The following TSFM variants were observed in gnomAD, a reference collection of about 807,000 sequenced individuals.
The protein encoded by TSFM is Ts translation elongation factor, mitochondrial.
A neutral mutation model predicts 33.4 loss-of-function variants in TSFM; 29 were observed. The observed-to-expected ratio is 0.87, with a 90% CI of 0.65 to 1.18. TSFM has a LOEUF of 1.18. TSFM is among the 50% of genes most tolerant of loss of function. TSFM has a pLI of 0.00. For synonymous variants in TSFM, 178 were observed against 163.5 expected (o/e 1.09, Z -0.68); for missense variants, 394 against 395.6 (o/e 1.00, Z 0.04).
At chr12:57,800,043 T>G (rs1452769009), downstream of TSFM, 2 of 1,284,050 alleles carry the variant, frequency 1.6e-6, no homozygotes, top group African/African-American at 3.0e-5. Flanking sequence ...TAATCATCTT[T>G]GATAACAATG....
intron 4 of TSFM, among the ~76,000 whole-genome samples, chr12:57,791,309 C>T (rs1176607745): frequency 2.0e-5 from 3 of 152,142 alleles, no homozygotes; most frequent in Non-Finnish European, 2.9e-5. Flanking sequence ...CGCGCCCGGC[C>T]GGCCAGGTTC....
intron 2 of TSFM, chr12:57,784,125 A>G (rs1469617161): frequency 1.4e-6 from 1 of 702,620 alleles, no homozygotes; most frequent in Non-Finnish European, 2.6e-6. Context: ...ACAAACCGTT[A>G]CAAAATGTTA....
chr12:57,802,469 T>C (rs1955870206), downstream of TSFM: 13 of 1,202,694 alleles, frequency 1.1e-5, no homozygotes, highest in Non-Finnish European at 1.4e-5. Context: ...TCAGAAAACT[T>C]TCTCAGCCTA....
Position 57,783,002 on chromosome 12 carries a change from C to T in TSFM, c.58-108C>T, listed in dbSNP as rs1057188630. The T allele has an allele frequency of 9.4e-6, 14 of 1,481,790 alleles. No homozygotes were observed. In the African/African-American group the frequency reaches 1.9e-4, roughly 21 times the overall value. 91.8% of individuals were successfully genotyped at this position (1,481,790 alleles called of 1,614,324 possible). ...TCTGCCCAGTCCAGCCCCGGTGCAC[C>T]CCCCTTTGCACACTGTCCGCTCCCT... On this transcript the variant is annotated intron_variant, in intron 1 of 5. Transcript: ENST00000652027.
rs1955749570 is a variant in TSFM, at chr12:57,796,933, C to T, written c.*350C>T. 1.0e-6 allele frequency: 1 copy of T among 994,040 alleles called. No homozygotes were observed. Among genetic ancestry groups the T allele is most frequent in the Middle Eastern group, 5.1e-4 (1 of 1,968 alleles). The allele number at this position is 994,040 out of a possible 1,614,324, so 61.6% of individuals were successfully genotyped here. Reference sequence around the variant, plus strand: ...ATAGAACTCTTTTGTTCTGTTTTTGCTTTGCGACACTGTGAACCGTGCTTC... The same window carrying T: ...ATAGAACTCTTTTGTTCTGTTTTTGTTTTGCGACACTGTGAACCGTGCTTC... On this transcript the variant is annotated 3_prime_UTR_variant, in exon 6 of 6. Transcript: ENST00000652027.
intron 3 of TSFM, 49 bp downstream of exon 3, chr12:57,786,340 T>TA (rs1955591296): frequency 6.3e-7 from 1 of 1,586,042 alleles, no homozygotes; most frequent in African/African-American, 1.3e-5. Context: ...CCCTTGGGTG[T>TA]AAAGCTTGTA....
At chr12:57,785,799 A>G (rs532499073) in intron 2 of TSFM, among the ~76,000 whole-genome samples, 2 of 152,224 alleles carry the variant, frequency 1.3e-5, no homozygotes, top group Non-Finnish European at 2.9e-5. Flanking sequence ...GTTGCCCTAC[A>G]ATGTTAGGAG....
Position 57,796,400 on chromosome 12 carries a change from C to G in TSFM, c.795C>G (p.Pro265=), listed in dbSNP as rs757596471. 3.1e-6 allele frequency: 5 copies of G among 1,602,510 alleles called. No individual in the cohort carries two copies. The highest frequency in any genetic ancestry group is 4.3e-6 in the Non-Finnish European group (5 of 1,174,380). The change falls in exon 6 of 6, where the codon CCC becomes CCG. Residue 265 remains proline (P), a synonymous_variant. Transcript: ENST00000652027. Reference sequence around the variant, plus strand: ...GGCAGCATGTGGTGGGCATGGCCCCCCTCTCTGTTGGCTCCCTGGACGATG... The same window carrying G: ...GGCAGCATGTGGTGGGCATGGCCCCGCTCTCTGTTGGCTCCCTGGACGATG... The part of the protein sequence containing the change: ...RLGQHVVGMA[P]LSVGSLDDEP...
intron 2 of TSFM, 111 bp downstream of exon 2, chr12:57,783,394 A>G: frequency 1.5e-6 from 2 of 1,335,532 alleles, no homozygotes; most frequent in Non-Finnish European, 2.1e-6. Context: ...CCATAATGGC[A>G]CAGTCCTAAG....
chr12:57,801,131 G>A (rs1230491017), downstream of TSFM: 16 of 1,612,302 alleles, frequency 9.9e-6, no homozygotes, highest in African/African-American at 1.3e-5. Flanking sequence ...TCCCAAGAGC[G>A]AACCCGACTC....
At chr12:57,785,866 C>A (rs750236391) in intron 2 of TSFM, among the ~76,000 whole-genome samples, 3 of 152,122 alleles carry the variant, frequency 2.0e-5, no homozygotes, top group Non-Finnish European at 4.4e-5. Flanking sequence ...TCTTAGGGAC[C>A]GTCATCATAT....
At chr12:57,800,157 T>C, downstream of TSFM, 1 of 453,014 alleles carries the variant, frequency 2.2e-6, no homozygotes, top group Non-Finnish European at 4.0e-6. Flanking sequence ...AGGCAAGTCC[T>C]GTATAGCTAG....
chr12:57,802,505 C>T (rs1033843791), downstream of TSFM: 4 of 874,180 alleles, frequency 4.6e-6, no homozygotes, highest in African/African-American at 5.0e-5. Context: ...AAAGGTTTTC[C>T]CAGAATCAGC....
downstream of TSFM, chr12:57,799,643 C>T: frequency 1.0e-6 from 1 of 998,992 alleles, no homozygotes; most frequent in South Asian, 1.6e-5. Flanking sequence ...CAAGAAAGAA[C>T]CCTGGTTTTT....
At chr12:57,783,418 T>G in intron 2 of TSFM, 135 bp downstream of exon 2, 1 of 1,139,854 alleles carries the variant, frequency 8.8e-7, no homozygotes, top group Non-Finnish European at 1.3e-6. Flanking sequence ...AAATCTGGCT[T>G]AAATGACAAC....
At chr12:57,785,066 A>G (rs1023164051) in intron 2 of TSFM, among the ~76,000 whole-genome samples, 1 of 150,978 alleles carries the variant, frequency 6.6e-6, no homozygotes, top group South Asian at 2.1e-4. Context: ...AGCTGGGACT[A>G]CAGGCGCCCG....
chr12:57,789,303 G>T (rs536859804), intron 4 of TSFM, among the ~76,000 whole-genome samples: 64 of 151,948 alleles, frequency 4.2e-4, no homozygotes, highest in African/African-American at 1.5e-3. Flanking sequence ...TAAGTATGTT[G>T]CAGACATCAG....
intron 3 of TSFM, 150 bp from the exon 4 acceptor site, chr12:57,786,890 G>C: frequency 1.3e-6 from 1 of 761,098 alleles, no homozygotes; most frequent in East Asian, 2.7e-5. Flanking sequence ...GGCTAGGAGA[G>C]GAAGCGTAGC....
At chr12:57,798,789 G>C (rs1955787094), downstream of TSFM, among the ~76,000 whole-genome samples, 1 of 151,772 alleles carries the variant, frequency 6.6e-6, no homozygotes, top group South Asian at 2.1e-4. Context: ...GCTAATTTTT[G>C]TATTTTTAGT....
Sources: gnomAD v4.1 joint callset for allele counts (sites outside exome capture counted in the v4.1 genomes callset) on GRCh38, gnomAD v4.1.1 for gene constraint, MANE v1.5 for transcripts, NCBI Gene and HGNC (gene_info 2026-07-23, HGNC 2026-07-21) for gene names.